The following GARNL3 variants were observed in gnomAD, a reference collection of about 807,000 sequenced individuals.
GARNL3 encodes the protein GTPase activating Rap/RanGAP domain like 3, also known as GTPase-activating Rap/Ran-GAP domain-like protein 3.
In GARNL3, 63 loss-of-function variants were observed where a neutral mutation model predicts 125.0. The observed-to-expected ratio is 0.50, with a 90% CI of 0.41 to 0.62. GARNL3 has a LOEUF of 0.62. Among genes scored for constraint, GARNL3 ranks in the 20% least tolerant of loss-of-function variants. The probability of loss-of-function intolerance (pLI) is 0.00; values close to 1 mark genes in which losing one functional copy is unlikely to be tolerated. For synonymous variants in GARNL3, 439 were observed against 457.5 expected, an observed-to-expected ratio of 0.96 and a Z score of 0.52; for missense variants, 994 against 1,244.0, an observed-to-expected ratio of 0.80 and a Z score of 3.02.
In GARNL3 at chr9:127,354,377, G is replaced by C; in HGVS notation, c.1726G>C (p.Asp576His). The C allele has an allele frequency of 2.5e-6, 4 of 1,612,890 alleles. No homozygotes were observed. The highest frequency in any genetic ancestry group is 3.4e-6 in the Non-Finnish European group (4 of 1,179,088). ...EGKQAGKSRS[D>H]CRENKLEKTK... ...GAAGCAGGCTGGGAAGAGCAGGTCT[G>C]ACTGCAGAGAAAACAAGTTGGAGAA... The change falls in exon 19 of 28, where the codon GAC (aspartate) becomes CAC (histidine). Residue 576 changes from aspartate (D) to histidine (H), a missense_variant. Transcript: ENST00000373387.
intron 17 of GARNL3, among the ~76,000 whole-genome samples, chr9:127,352,403 G>T (rs547720630): frequency 2.4e-4 from 36 of 152,308 alleles, no homozygotes; most frequent in African/African-American, 8.7e-4. Flanking sequence ...TGCTGTGACT[G>T]CTCTTCTCCC....
At chr9:127,234,238 G>A (rs1235037404) in intron 1 of GARNL3, among the ~76,000 whole-genome samples, 1 of 152,160 alleles carries the variant, frequency 6.6e-6, no homozygotes, top group African/African-American at 2.4e-5. Flanking sequence ...TTAAATTAAT[G>A]CAAACCAGCT....
chr9:127,295,660 C>T (rs763310063), intron 2 of GARNL3, among the ~76,000 whole-genome samples: 7 of 152,134 alleles, frequency 4.6e-5, no homozygotes, highest in African/African-American at 1.7e-4. Flanking sequence ...GTCAGGTAGC[C>T]GTTACCACAG....
At position 127,266,299 on chromosome 9, in the gene GARNL3, C is replaced by CT. The variant is rs1484372923; in HGVS notation, c.144+1279dup. ...ACACCATGGAAGACCTTGCAGAGAGCTGTGGGATGTGGATTGGTGGCAGAG... is the reference window on the plus strand; with the variant it reads ...ACACCATGGAAGACCTTGCAGAGAGCTTGTGGGATGTGGATTGGTGGCAGAG... On this transcript the variant is annotated intron_variant, in intron 1 of 27. Transcript: ENST00000373387. This position sits in a 1 kb window ranked among gnomAD's most constrained non-coding sequence, Gnocchi z 4.0. 6.6e-6 allele frequency among the ~76,000 whole-genome samples: 1 copy of CT among 152,176 alleles called. No individual in the cohort carries two copies. The highest frequency in any genetic ancestry group is 2.4e-5 in the African/African-American group (1 of 41,436).
chr9:127,312,445 A>C (rs2065122027), intron 3 of GARNL3, among the ~76,000 whole-genome samples: 1 of 152,204 alleles, frequency 6.6e-6, no homozygotes, highest in Non-Finnish European at 1.5e-5. Context: ...TACTAAGCCC[A>C]GTGCCTGGCA....
Position 127,384,883 on chromosome 9 carries a change from T to A in GARNL3, c.2270-144T>A, listed in dbSNP as rs893506296. 1.9e-6 allele frequency: 1 copy of A among 537,250 alleles called. No individual in the cohort carries two copies. The highest frequency in any genetic ancestry group is 3.4e-6 in the Non-Finnish European group (1 of 297,018). The allele number at this position is 537,250 out of a possible 1,614,324, so 33.3% of individuals were successfully genotyped here. A position where few individuals can be genotyped will look rare whatever the true frequency, so the allele number is the denominator to read the frequency against. On this transcript the variant is annotated intron_variant, in intron 23 of 27. Coordinates refer to ENST00000373387, the MANE Select transcript of GARNL3 (RefSeq NM_032293.5). The surrounding 1 kb of genome is among the most constrained non-coding windows in gnomAD (Gnocchi z 4.0). The stretch of plus-strand genomic sequence containing the variant: ...AGGCTACCTTAGGATCAGGGTGACT[T>A]GCACATGTGAAGGAAGGAGAGAAGC...
intron 9 of GARNL3, among the ~76,000 whole-genome samples, chr9:127,333,646 C>T (rs1023532866): frequency 6.6e-6 from 1 of 151,772 alleles, no homozygotes; most frequent in African/African-American, 2.4e-5. Context: ...TGGAGGGTCT[C>T]GAGGGGAGAA....
chr9:127,256,335 G>A (rs376543663), intron 2 of GARNL3, among the ~76,000 whole-genome samples: 14 of 152,212 alleles, frequency 9.2e-5, no homozygotes, highest in East Asian at 7.7e-4. Context: ...TGGGTCTTGA[G>A]CTGAGAAGAG....
At chr9:127,324,314 C>T (rs1169825736) in intron 6 of GARNL3, among the ~76,000 whole-genome samples, 1 of 152,128 alleles carries the variant, frequency 6.6e-6, no homozygotes, top group Non-Finnish European at 1.5e-5. Flanking sequence ...ATGAAAGAGG[C>T]TTTCTGTTAA....
intron 2 of GARNL3, among the ~76,000 whole-genome samples, chr9:127,295,720 A>G (rs1442346490): frequency 6.6e-6 from 1 of 151,946 alleles, no homozygotes; most frequent in Non-Finnish European, 1.5e-5. Context: ...AGAATTAATG[A>G]AAGCACTTTT....
At chr9:127,256,042 TA>T (rs1433265630) in intron 2 of GARNL3, among the ~76,000 whole-genome samples, 1 of 152,192 alleles carries the variant, frequency 6.6e-6, no homozygotes, top group African/African-American at 2.4e-5. Context: ...TGCAGGTGGT[TA>T]AGGGAGGTAT....
chr9:127,301,963 CAG>C (rs2064806402), intron 2 of GARNL3, among the ~76,000 whole-genome samples: 1 of 95,424 alleles, frequency 1.0e-5, no homozygotes, highest in Non-Finnish European at 1.9e-5. Context: ...TTTTTTGAGA[CAG>C]AGTCTCGCTC....
chr9:127,272,476 T>C (rs2131297170), intron 1 of GARNL3, among the ~76,000 whole-genome samples: 1 of 149,824 alleles, frequency 6.7e-6, no homozygotes, highest in East Asian at 1.9e-4. Flanking sequence ...GTGTCTCACA[T>C]AGCAGGCCAA....
At chr9:127,239,374 C>A (rs1490650152) in intron 1 of GARNL3, among the ~76,000 whole-genome samples, 1 of 152,212 alleles carries the variant, frequency 6.6e-6, no homozygotes, top group Non-Finnish European at 1.5e-5. Flanking sequence ...CCAGTCCTCA[C>A]CCCTCCAAAT....
chr9:127,314,872 G>A (rs2065195939), intron 4 of GARNL3, among the ~76,000 whole-genome samples: 1 of 152,292 alleles, frequency 6.6e-6, no homozygotes, highest in Middle Eastern at 3.4e-3. Context: ...CTCCTGAGGC[G>A]GCGCCCAGGA....
At chr9:127,311,335 C>T (rs760004916) in intron 2 of GARNL3, among the ~76,000 whole-genome samples, 2 of 151,968 alleles carry the variant, frequency 1.3e-5, no homozygotes, top group Non-Finnish European at 2.9e-5. Context: ...CTCTAGGGGG[C>T]ACCAACTCCC....
chr9:127,284,236 T>A (rs2131343687), intron 1 of GARNL3, among the ~76,000 whole-genome samples: 1 of 152,322 alleles, frequency 6.6e-6, no homozygotes, highest in South Asian at 2.1e-4. Flanking sequence ...TTAAAATATT[T>A]TTCATTGTGT....
At chr9:127,311,194 A>C (rs763439602) in intron 2 of GARNL3, among the ~76,000 whole-genome samples, 1 of 152,036 alleles carries the variant, frequency 6.6e-6, no homozygotes, top group East Asian at 1.9e-4. Flanking sequence ...ATTCAATATA[A>C]TTTCATCTTA....
intron 2 of GARNL3, among the ~76,000 whole-genome samples, chr9:127,249,778 C>T (rs370630734): frequency 3.3e-5 from 5 of 151,764 alleles, no homozygotes; most frequent in African/African-American, 1.2e-4. Context: ...GAGGCCGAGG[C>T]GGGTGGATCA....
Sources: allele counts gnomAD v4.1 joint callset (sites outside exome capture counted in the v4.1 genomes callset), GRCh38; gene constraint gnomAD v4.1.1; non-coding constraint Gnocchi (gnomAD v3.1); transcripts MANE v1.5; gene names NCBI Gene and HGNC (gene_info 2026-07-23, HGNC 2026-07-21).